PRH1: variants seen among roughly 807,000 people sequenced by gnomAD.
PRH1 encodes salivary acidic proline-rich phosphoprotein 1/2.
Under a neutral mutation model 7.9 loss-of-function variants are expected in PRH1, and 7 were observed. That is an observed-to-expected ratio of 0.89 (90% confidence interval 0.50 to 1.67). PRH1 has a LOEUF of 1.67. Ranked by LOEUF, PRH1 falls within the 40% of genes most tolerant of loss-of-function variation. The probability of loss-of-function intolerance (pLI) is 0.00; values close to 1 mark genes in which losing one functional copy is unlikely to be tolerated. For missense variants in PRH1, 109 were observed against 223.6 expected (o/e 0.49, Z 3.27); for synonymous variants, 45 against 80.8 (o/e 0.56, Z 2.38).
At chr12:11,076,166 C>T (rs562397338) in intron 1 of PRH1, among the ~76,000 whole-genome samples, 1,137 of 25,952 alleles carry the variant, frequency 0.044, 386 homozygotes, top group Non-Finnish European at 0.11. Context: ...AGAATTAACA[C>T]AGTCATGCAG....
intron 1 of PRH1, among the ~76,000 whole-genome samples, chr12:11,042,623 C>CTTTTTTTTT (rs71051557): frequency 7.6e-5 from 6 of 79,318 alleles, no homozygotes; most frequent in African/African-American, 2.6e-4. Context: ...CAGGCTCATT[C>CTTTTTTTTT]TTTTTTTTTT....
chr12:10,989,810 T>C (rs1194466968), intron 1 of PRH1, among the ~76,000 whole-genome samples: 3 of 152,378 alleles, frequency 2.0e-5, no homozygotes, highest in South Asian at 2.1e-4. Flanking sequence ...CATGATTCCA[T>C]TGAATTCTAG....
intron 1 of PRH1, among the ~76,000 whole-genome samples, chr12:11,066,168 A>T (rs1276394461): frequency 6.8e-6 from 1 of 147,448 alleles, no homozygotes; most frequent in African/African-American, 2.5e-5. Context: ...GGTGTTTCTA[A>T]AGAATTCCAC....
intron 1 of PRH1, among the ~76,000 whole-genome samples, chr12:11,084,423 C>G (rs1479341952): frequency 3.3e-4 from 50 of 150,588 alleles, no homozygotes; most frequent in Admixed American, 2.5e-3. Context: ...TATTAAAACT[C>G]AGTGATATGC....
intron 1 of PRH1, among the ~76,000 whole-genome samples, chr12:11,103,218 G>C (rs1229190013): frequency 7.2e-6 from 1 of 138,974 alleles, no homozygotes; most frequent in Non-Finnish European, 1.6e-5. Context: ...TATAAATCAT[G>C]CTGCTATAAA....
At chr12:10,923,705 C>T (rs1250783953) in intron 2 of PRH1, among the ~76,000 whole-genome samples, 4 of 152,190 alleles carry the variant, frequency 2.6e-5, no homozygotes, top group Non-Finnish European at 5.9e-5. Flanking sequence ...GTAGCAGTTA[C>T]TGTGCTCATT....
At chr12:11,037,362 T>C (rs1199014788) in intron 1 of PRH1, among the ~76,000 whole-genome samples, 1 of 152,242 alleles carries the variant, frequency 6.6e-6, no homozygotes, top group East Asian at 1.9e-4. Flanking sequence ...AAATATGTTT[T>C]ATACGTTAAA....
intron 1 of PRH1, among the ~76,000 whole-genome samples, chr12:11,112,576 AG>A (rs775771669): frequency 1.3e-5 from 2 of 152,232 alleles, no homozygotes; most frequent in Non-Finnish European, 2.9e-5. Context: ...CAACAGATGC[AG>A]AAAAGGCCTT....
At chr12:11,074,092 C>A (rs1374839100) in intron 1 of PRH1, among the ~76,000 whole-genome samples, 1 of 133,056 alleles carries the variant, frequency 7.5e-6, no homozygotes, top group Admixed American at 7.6e-5. Context: ...TGACTCTCTC[C>A]TGTTCCCATG....
rs1165832208 is a variant in PRH1 at position 11,132,631 on chromosome 12, T to G, written n.40-11451A>C. On this transcript the variant is annotated intron_variant and non_coding_transcript_variant, in intron 1 of 1. Transcript: ENST00000541175. The stretch of plus-strand genomic sequence containing the variant: ...ATTTTTTTCTAAGCTATTCACATAC[T>G]TGTATTAAATCTAATATTCCTCAGT... Among the ~76,000 whole-genome samples, 4 of 152,398 alleles carry G rather than the reference T, an allele frequency of 2.6e-5. No individual in the cohort carries two copies. The East Asian group carries it at 7.7e-4, about 29-fold the overall frequency.
At chr12:10,909,614 G>A in intron 2 of PRH1, 1 of 309,682 alleles carries the variant, frequency 3.2e-6, no homozygotes. Context: ...TTGCAACCAT[G>A]CAAATAAAGA....
Position 11,171,194 on chromosome 12 carries a change from G to A in PRH1, n.39+228C>T, listed in dbSNP as rs945792985. The A allele has an allele frequency of 2.7e-5, 11 of 411,844 alleles. No individual in the cohort carries two copies. The South Asian group carries it at 8.3e-4, about 31-fold the overall frequency. 25.5% of individuals were successfully genotyped at this position (411,844 alleles called of 1,614,324 possible). A position where few individuals can be genotyped will look rare whatever the true frequency, so the allele number is the denominator to read the frequency against. On this transcript the variant is annotated intron_variant and non_coding_transcript_variant, in intron 1 of 1. Transcript: ENST00000541175. Reference sequence around the variant, plus strand: ...GGGGCGGAGCGCCAGCGGCGCCCGGGGCTACGCGCCGCACTGCACCGAGCG... The same window carrying A: ...GGGGCGGAGCGCCAGCGGCGCCCGGAGCTACGCGCCGCACTGCACCGAGCG...
chr12:11,007,466 GGCCT>G (rs1279122803), intron 1 of PRH1, among the ~76,000 whole-genome samples: 1 of 151,990 alleles, frequency 6.6e-6, no homozygotes, highest in Non-Finnish European at 1.5e-5. Flanking sequence ...CTCATGCTTA[GGCCT>G]TTGGTAAAGT....
intron 1 of PRH1, among the ~76,000 whole-genome samples, chr12:11,064,432 GCTT>G (rs566052804): frequency 4.5e-4 from 69 of 152,008 alleles, no homozygotes; most frequent in Non-Finnish European, 7.5e-4. Flanking sequence ...TATTTGGCCA[GCTT>G]CTTTTTTGAA....
At chr12:10,932,078 A>G (rs1950221669) in intron 2 of PRH1, 1 of 258,144 alleles carries the variant, frequency 3.9e-6, no homozygotes, top group Admixed American at 3.6e-5. Context: ...AAGTGTGAAC[A>G]AAGAAAATGA....
At chr12:11,114,191 A>C (rs1945667950) in intron 1 of PRH1, among the ~76,000 whole-genome samples, 1 of 152,230 alleles carries the variant, frequency 6.6e-6, no homozygotes, top group South Asian at 2.1e-4. Flanking sequence ...TTCTACTATA[A>C]AGACACATGC....
intron 1 of PRH1, among the ~76,000 whole-genome samples, chr12:11,104,668 T>C (rs1565657978): frequency 1.4e-5 from 2 of 145,038 alleles, no homozygotes; most frequent in Admixed American, 7.0e-5. Flanking sequence ...TATGTATATG[T>C]ATTCTGATAA....
chr12:11,044,415 G>C (rs981175931), intron 1 of PRH1, among the ~76,000 whole-genome samples: 13 of 151,944 alleles, frequency 8.6e-5, no homozygotes, highest in African/African-American at 3.1e-4. Flanking sequence ...CAAGCACAGG[G>C]AACCAAGTCA....
At chr12:11,062,907 T>C (rs540012326) in intron 1 of PRH1, among the ~76,000 whole-genome samples, 1 of 152,200 alleles carries the variant, frequency 6.6e-6, no homozygotes, top group Admixed American at 6.6e-5. Flanking sequence ...TACGTTTGTA[T>C]AACTTCATTA....
Sources: gnomAD v4.1 joint callset for allele counts (sites outside exome capture counted in the v4.1 genomes callset) on GRCh38, gnomAD v4.1.1 for gene constraint, MANE v1.5 for transcripts, NCBI Gene and HGNC (gene_info 2026-07-23, HGNC 2026-07-21) for gene names.